STARD13: variants seen among roughly 807,000 people sequenced by gnomAD.
The protein encoded by STARD13 is StAR related lipid transfer domain containing 13, also known as stAR-related lipid transfer protein 13.
STARD13 carries 62 observed loss-of-function variants against 106.4 expected under a neutral mutation model. The ratio of observed to expected loss-of-function variants is 0.58; its 90% confidence interval spans 0.48 to 0.72. The LOEUF (loss-of-function observed/expected upper bound fraction) is 0.72, where lower values mean the gene tolerates loss of function less well. STARD13 is among the 30% of genes least tolerant of loss of function. The pLI is 0.00. For synonymous variants in STARD13, 565 were observed against 553.0 expected (o/e 1.02, Z -0.31); for missense variants, 1,387 against 1,424.0 (o/e 0.97, Z 0.42).
chr13:33,514,262 A>G, the STARD13 span, among the ~76,000 whole-genome samples: 3 of 152,162 alleles, frequency 2.0e-5, no homozygotes, highest in African/African-American at 7.2e-5. Flanking sequence ...GGAATTGTAG[A>G]GGTCTTAGCT....
intron 1 of STARD13, among the ~76,000 whole-genome samples, chr13:33,240,831 T>A (rs1291392771): frequency 6.6e-6 from 1 of 152,158 alleles, no homozygotes; most frequent in Admixed American, 6.5e-5. Flanking sequence ...GATAGTACTA[T>A]AAGTAGTATT....
the STARD13 span, among the ~76,000 whole-genome samples, chr13:33,658,680 A>G: frequency 3.3e-5 from 5 of 152,334 alleles, no homozygotes; most frequent in African/African-American, 1.2e-4. Flanking sequence ...CCTTTCCTGG[A>G]AACAACTACT....
At chr13:33,437,521 C>A in the STARD13 span, among the ~76,000 whole-genome samples, 33 of 152,128 alleles carry the variant, frequency 2.2e-4, no homozygotes, top group African/African-American at 7.5e-4. Flanking sequence ...AATCAAGAAG[C>A]AATGATGGAA....
chr13:33,563,479 A>G, the STARD13 span, among the ~76,000 whole-genome samples: 1 of 147,542 alleles, frequency 6.8e-6, no homozygotes, highest in Non-Finnish European at 1.5e-5. Context: ...CAATGGGGAA[A>G]GGACAGTCTC....
At chr13:33,544,039 A>G in the STARD13 span, among the ~76,000 whole-genome samples, 1 of 152,236 alleles carries the variant, frequency 6.6e-6, no homozygotes, top group Non-Finnish European at 1.5e-5. Flanking sequence ...TCTGTATATG[A>G]TCATGTGATA....
At chr13:33,168,655 T>C (rs1345416925) in intron 1 of STARD13, among the ~76,000 whole-genome samples, 2 of 152,220 alleles carry the variant, frequency 1.3e-5, no homozygotes, top group Non-Finnish European at 2.9e-5. Flanking sequence ...CCATTTACTA[T>C]GATGCTAATT....
At chr13:33,238,913 G>A (rs1338224187) in intron 1 of STARD13, among the ~76,000 whole-genome samples, 1 of 151,898 alleles carries the variant, frequency 6.6e-6, no homozygotes, top group East Asian at 1.9e-4. Context: ...ACTTCTTAAT[G>A]TGTTAAGAGG....
the STARD13 span, among the ~76,000 whole-genome samples, chr13:33,558,734 A>G: frequency 3.2e-4 from 48 of 151,688 alleles, no homozygotes; most frequent in Admixed American, 5.2e-4. Context: ...ATGGTTATAA[A>G]TACAATAAGA....
chr13:33,232,098 A>T (rs1409187128), intron 1 of STARD13, among the ~76,000 whole-genome samples: 3 of 152,214 alleles, frequency 2.0e-5, no homozygotes, highest in Non-Finnish European at 2.9e-5. Flanking sequence ...GGATCACCTT[A>T]GGTCAGGAGT....
chr13:33,581,893 A>G, the STARD13 span, among the ~76,000 whole-genome samples: 1 of 152,196 alleles, frequency 6.6e-6, no homozygotes, highest in East Asian at 1.9e-4. Context: ...CAGTCTGCAC[A>G]TTATCATGAA....
Position 33,105,467 on chromosome 13 carries a change from T to C in STARD13, c.*126A>G. The C allele has an allele frequency of 1.5e-6, 1 of 674,928 alleles. No individual in the cohort carries two copies. The highest frequency in any genetic ancestry group is 2.6e-6 in the Non-Finnish European group (1 of 382,692). The allele number at this position is 674,928 out of a possible 1,614,324, so 41.8% of individuals were successfully genotyped here. A position where few individuals can be genotyped will look rare whatever the true frequency, so the allele number is the denominator to read the frequency against. ...TCCAACATTCCAACTTCTTAACGTT[T>C]CCATTTTTAGGCATTAACCGCGTCC... On this transcript the variant is annotated 3_prime_UTR_variant, in exon 14 of 14. Transcript: ENST00000336934.
At chr13:33,277,535 C>T (rs1368396883) in intron 1 of STARD13, 1 of 152,122 alleles carries the variant, frequency 6.6e-6, no homozygotes, top group East Asian at 1.9e-4. Flanking sequence ...GTCCATATCC[C>T]ATGTCACCCA....
chr13:33,222,679 C>A (rs1888421910), intron 1 of STARD13, among the ~76,000 whole-genome samples: 1 of 152,140 alleles, frequency 6.6e-6, no homozygotes, highest in Admixed American at 6.5e-5. Flanking sequence ...TTCCATTTTT[C>A]TTTTTCTTCA....
chr13:33,337,198 T>C (rs2077906775), intron 1 of STARD13, among the ~76,000 whole-genome samples: 1 of 152,218 alleles, frequency 6.6e-6, no homozygotes, highest in African/African-American at 2.4e-5. Flanking sequence ...TGATGATAAA[T>C]GATAGGCTTT....
At chr13:33,305,804 C>T (rs939174729) in intron 1 of STARD13, among the ~76,000 whole-genome samples, 1 of 152,162 alleles carries the variant, frequency 6.6e-6, no homozygotes. Context: ...TTATATTAAT[C>T]CTTCTGTGCT....
At chr13:33,285,904 G>C, upstream of STARD13, 1 of 552,708 alleles carries the variant, frequency 1.8e-6, no homozygotes, top group Non-Finnish European at 2.7e-6. Context: ...CCAGCCGCCA[G>C]GGTCCCTCAC....
chr13:33,370,739 C>T, the STARD13 span, among the ~76,000 whole-genome samples: 1 of 151,670 alleles, frequency 6.6e-6, no homozygotes, highest in African/African-American at 2.4e-5. Context: ...CCGCCTCAGC[C>T]TCCCAAGTGG....
At chr13:33,599,057 T>A in the STARD13 span, among the ~76,000 whole-genome samples, 2 of 152,214 alleles carry the variant, frequency 1.3e-5, no homozygotes, top group Admixed American at 6.5e-5. Context: ...TTAAAAAAAA[T>A]TCATCCAGCA....
chr13:33,127,058 G>C (rs1877286842), intron 6 of STARD13, among the ~76,000 whole-genome samples: 2 of 152,222 alleles, frequency 1.3e-5, no homozygotes, highest in Admixed American at 1.3e-4. Context: ...TGTGCAAACT[G>C]CCAGGATTAT....
Sources: allele counts gnomAD v4.1 joint callset (sites outside exome capture counted in the v4.1 genomes callset), GRCh38; gene constraint gnomAD v4.1.1; transcripts MANE v1.5; gene names NCBI Gene and HGNC (gene_info 2026-07-23, HGNC 2026-07-21).